TMEM108: variants seen among roughly 807,000 people sequenced by gnomAD.
TMEM108 encodes transmembrane protein 108, also known as cancer/testis antigen 124.
A neutral mutation model predicts 35.1 loss-of-function variants in TMEM108; 12 were observed. That is an observed-to-expected ratio of 0.34 (90% CI 0.22 to 0.55). The LOEUF (loss-of-function observed/expected upper bound fraction) is 0.55, where lower values mean the gene tolerates loss of function less well. Among genes scored for constraint, TMEM108 ranks in the 20% least tolerant of loss-of-function variants. TMEM108 has a pLI of 0.89. For synonymous variants in TMEM108, 287 were observed against 308.6 expected (o/e 0.93, Z 0.73); for missense variants, 680 against 753.3 (o/e 0.90, Z 1.14).
chr3:133,257,719 C>G (rs7641051), intron 3 of TMEM108, among the ~76,000 whole-genome samples: 48,638 of 152,182 alleles, frequency 0.32, 8,480 homozygotes, highest in East Asian at 0.46. Context: ...GGATGAAACT[C>G]TCTGGTAGTT....
chr3:133,140,550 T>G (rs922615443), intron 2 of TMEM108, among the ~76,000 whole-genome samples: 1 of 152,228 alleles, frequency 6.6e-6, no homozygotes, highest in African/African-American at 2.4e-5. Context: ...CTTCAATAAA[T>G]CTGGCAAATT....
chr3:133,122,638 G>A (rs1458513863), intron 2 of TMEM108, among the ~76,000 whole-genome samples: 1 of 152,108 alleles, frequency 6.6e-6, no homozygotes, highest in Non-Finnish European at 1.5e-5. Flanking sequence ...GGCTGAGGTG[G>A]ACGGATCGAG....
chr3:133,272,802 G>A (rs1013939140), intron 3 of TMEM108, among the ~76,000 whole-genome samples: 4 of 152,170 alleles, frequency 2.6e-5, no homozygotes, highest in African/African-American at 4.8e-5. Context: ...GGGAGGTATT[G>A]CCCTCTAAGA....
intron 2 of TMEM108, among the ~76,000 whole-genome samples, chr3:133,145,373 G>T (rs905048942): frequency 1.3e-5 from 2 of 152,162 alleles, no homozygotes; most frequent in African/African-American, 4.8e-5. Flanking sequence ...TAGCCTTGTA[G>T]TGTAGTTTGA....
intron 2 of TMEM108, among the ~76,000 whole-genome samples, chr3:133,194,637 A>G (rs953202209): frequency 6.6e-5 from 10 of 151,268 alleles, no homozygotes; most frequent in African/African-American, 1.9e-4. Context: ...TACCATCTCT[A>G]CTGGCCAGAG....
intron 3 of TMEM108, among the ~76,000 whole-genome samples, chr3:133,296,639 G>A (rs1175380650): frequency 6.6e-6 from 1 of 152,078 alleles, no homozygotes; most frequent in Non-Finnish European, 1.5e-5. Context: ...AGATGGACAG[G>A]CTGGAAAAGG....
chr3:133,214,160 C>A (rs1298135621), intron 2 of TMEM108, among the ~76,000 whole-genome samples: 1 of 152,186 alleles, frequency 6.6e-6, no homozygotes, highest in Non-Finnish European at 1.5e-5. Context: ...CTTGACATGC[C>A]TTGTCTCCAT....
At chr3:133,301,062 G>C in intron 3 of TMEM108, among the ~76,000 whole-genome samples, 1 of 148,502 alleles carries the variant, frequency 6.7e-6, no homozygotes, top group African/African-American at 2.5e-5. Flanking sequence ...TGAGACATAA[G>C]AGGCATCTCT....
intron 2 of TMEM108, among the ~76,000 whole-genome samples, chr3:133,227,873 G>A (rs894399821): frequency 4.0e-5 from 6 of 151,854 alleles, no homozygotes; most frequent in Admixed American, 3.3e-4. Flanking sequence ...CCAGCCTGGC[G>A]ACAGAGTGAG....
intron 3 of TMEM108, among the ~76,000 whole-genome samples, chr3:133,294,936 C>A (rs2107698423): frequency 6.6e-6 from 1 of 152,290 alleles, no homozygotes; most frequent in Non-Finnish European, 1.5e-5. Flanking sequence ...TGCCTGAAAT[C>A]AAATTTCACC....
chr3:133,090,690 A>G (rs1943937216), intron 2 of TMEM108, among the ~76,000 whole-genome samples: 2 of 152,206 alleles, frequency 1.3e-5, no homozygotes, highest in African/African-American at 4.8e-5. Flanking sequence ...ACAGAAACTC[A>G]TTGGTTAGCA....
intron 2 of TMEM108, among the ~76,000 whole-genome samples, chr3:133,163,520 G>A (rs1287406099): frequency 6.6e-6 from 1 of 152,194 alleles, no homozygotes; most frequent in Non-Finnish European, 1.5e-5. Context: ...GTGGTGGACA[G>A]CAGAGGGGTA....
intron 2 of TMEM108, among the ~76,000 whole-genome samples, chr3:133,095,663 A>G (rs923031967): frequency 1.3e-5 from 2 of 152,052 alleles, no homozygotes; most frequent in Admixed American, 1.3e-4. Context: ...TGCAACCTAG[A>G]TCCCTTGCAT....
At chr3:133,123,117 T>C (rs1326076468) in intron 2 of TMEM108, among the ~76,000 whole-genome samples, 1 of 152,218 alleles carries the variant, frequency 6.6e-6, no homozygotes, top group Non-Finnish European at 1.5e-5. Context: ...ATGGATTCCA[T>C]TGTGGATATG....
At chr3:133,392,153 T>C (rs2073243711) in intron 5 of TMEM108, among the ~76,000 whole-genome samples, 1 of 151,814 alleles carries the variant, frequency 6.6e-6, no homozygotes. Flanking sequence ...TTTTTTTTTT[T>C]TGGTTGTTGT....
At chr3:133,210,557 T>C (rs546122237) in intron 2 of TMEM108, among the ~76,000 whole-genome samples, 2 of 149,154 alleles carry the variant, frequency 1.3e-5, no homozygotes, top group Non-Finnish European at 3.0e-5. Context: ...AAATTACCAA[T>C]CTTGGTACTT....
At chr3:133,322,727 C>G (rs925272968) in intron 3 of TMEM108, among the ~76,000 whole-genome samples, 1 of 152,108 alleles carries the variant, frequency 6.6e-6, no homozygotes, top group Admixed American at 6.5e-5. Context: ...AAGAAAACTA[C>G]AGACCAATAT....
chr3:133,215,968 T>A (rs1183931817), intron 2 of TMEM108, among the ~76,000 whole-genome samples: 3 of 152,136 alleles, frequency 2.0e-5, no homozygotes, highest in African/African-American at 7.2e-5. Flanking sequence ...TCATATATCA[T>A]TGGGCCTACT....
intron 2 of TMEM108, among the ~76,000 whole-genome samples, chr3:133,207,858 C>T (rs1451895687): frequency 6.6e-6 from 1 of 152,124 alleles, no homozygotes; most frequent in African/African-American, 2.4e-5. Flanking sequence ...TCAATGCATG[C>T]AACAAGATCC....
Sources: gnomAD v4.1 joint callset for allele counts (sites outside exome capture counted in the v4.1 genomes callset) on GRCh38, gnomAD v4.1.1 for gene constraint, MANE v1.5 for transcripts, NCBI Gene and HGNC (gene_info 2026-07-23, HGNC 2026-07-21) for gene names.